The following ZNF512 variants were observed in gnomAD, a reference collection of about 807,000 sequenced individuals.
ZNF512 encodes the protein zinc finger protein 512.
ZNF512 carries 25 observed loss-of-function variants against 77.5 expected under a neutral mutation model. The ratio of observed to expected loss-of-function variants is 0.32; its 90% CI spans 0.23 to 0.45. The LOEUF (loss-of-function observed/expected upper bound fraction) is 0.45, where lower values mean the gene tolerates loss of function less well. Ranked by LOEUF, ZNF512 falls within the 20% of genes least tolerant of loss-of-function variation. The pLI is 1.00. For missense variants in ZNF512, 483 were observed against 692.6 expected, an observed-to-expected ratio of 0.70 and a Z score of 3.40; for synonymous variants, 246 against 239.9, an observed-to-expected ratio of 1.03 and a Z score of -0.24.
intron 9 of ZNF512, among the ~76,000 whole-genome samples, chr2:27,605,372 T>C (rs1416262736): frequency 6.6e-6 from 1 of 151,944 alleles, no homozygotes; most frequent in Non-Finnish European, 1.5e-5. Context: ...GAGGATGGTT[T>C]GAGCCCAGGA....
intron 2 of ZNF512, among the ~76,000 whole-genome samples, chr2:27,597,060 A>G (rs888565295): frequency 3.3e-5 from 5 of 152,134 alleles, no homozygotes; most frequent in African/African-American, 4.8e-5. Context: ...GAATTAGTTT[A>G]TTGCTTCTAA....
At chr2:27,600,657 C>T in intron 5 of ZNF512, 34 bp from the exon 6 acceptor site, 1 of 1,600,540 alleles carries the variant, frequency 6.2e-7, no homozygotes, top group African/African-American at 1.3e-5. Context: ...GAGAATACTG[C>T]AGATTACAAA....
intron 7 of ZNF512, among the ~76,000 whole-genome samples, chr2:27,601,948 A>C (rs1672133202): frequency 6.8e-6 from 1 of 147,852 alleles, no homozygotes; most frequent in Non-Finnish European, 1.5e-5. Flanking sequence ...CGCGCCCAGA[A>C]ATTTTTTGTA....
In ZNF512 at chr2:27,593,247, A is replaced by C. The variant is rs80267941; in HGVS notation, c.90-4820A>C. On this transcript the variant is annotated intron_variant, in intron 2 of 13. Transcript: ENST00000355467. ...ACACACACACACACACACACACACAAAAGAATGAGCTGGGTACCGTGGCAC... is the reference window on the plus strand; with the variant it reads ...ACACACACACACACACACACACACACAAGAATGAGCTGGGTACCGTGGCAC... 7.8e-3 allele frequency among the ~76,000 whole-genome samples: 1,072 copies of C among 137,408 alleles called. 23 individuals carry two copies. The highest frequency in any genetic ancestry group is 0.028 in the African/African-American group (975 of 34,884). The allele number at this position is 137,408 out of a possible 152,430, so 90.1% of individuals were successfully genotyped here.
chr2:27,607,652 G>A (rs78245017), intron 9 of ZNF512, among the ~76,000 whole-genome samples, 193 bp from the exon 10 acceptor site: 1 of 152,232 alleles, frequency 6.6e-6, no homozygotes, highest in Non-Finnish European at 1.5e-5. Context: ...ACAAGAGTGA[G>A]CTACCACGCC....
intron 9 of ZNF512, among the ~76,000 whole-genome samples, chr2:27,607,413 G>C (rs1426471436): frequency 6.6e-6 from 1 of 151,540 alleles, no homozygotes; most frequent in Non-Finnish European, 1.5e-5. Context: ...TATCACCCAG[G>C]CTGGAATGTA....
At chr2:27,608,061 A>G (rs369996633) in intron 10 of ZNF512, 22 bp downstream of exon 10, 62 of 1,534,502 alleles carry the variant, frequency 4.0e-5, no homozygotes, top group East Asian at 6.8e-5. Flanking sequence ...ACATGTATCA[A>G]TTTGGGAACC....
chr2:27,587,274 T>G (rs1405656379), intron 2 of ZNF512, among the ~76,000 whole-genome samples: 1 of 151,070 alleles, frequency 6.6e-6, no homozygotes, highest in Non-Finnish European at 1.5e-5. Context: ...ATGGGTTTTT[T>G]TTTTTTTTTT....
intron 10 of ZNF512, 150 bp downstream of exon 10, chr2:27,608,189 G>C (rs992713239): frequency 1.4e-6 from 1 of 723,866 alleles, no homozygotes; most frequent in African/African-American, 1.9e-5. Context: ...ATCTAGCTTC[G>C]GTGTTTGGAT....
At chr2:27,592,770 C>T (rs576276451) in intron 2 of ZNF512, among the ~76,000 whole-genome samples, 4 of 144,708 alleles carry the variant, frequency 2.8e-5, no homozygotes, top group African/African-American at 1.0e-4. Flanking sequence ...ACCACAACCT[C>T]TGCCTCCCAG....
intron 4 of ZNF512, 69 bp downstream of exon 4, chr2:27,599,747 A>G: frequency 6.8e-7 from 1 of 1,463,904 alleles, no homozygotes; most frequent in Non-Finnish European, 9.5e-7. Flanking sequence ...GGTAAAGGAA[A>G]GAGAAGCCTT....
chr2:27,614,792 AT>A (rs1199899505), intron 10 of ZNF512, among the ~76,000 whole-genome samples: 1 of 151,214 alleles, frequency 6.6e-6, no homozygotes, highest in Non-Finnish European at 1.5e-5. Flanking sequence ...ACGAATGCGA[AT>A]TTGTATCCCT....
Position 27,621,800 on chromosome 2 carries a change from T to A in ZNF512, c.*339T>A, listed in dbSNP as rs1673137017. 5.4e-6 allele frequency: 1 copy of A among 186,452 alleles called. No individual in the cohort carries two copies. The highest frequency in any genetic ancestry group is 1.1e-5 in the Non-Finnish European group (1 of 87,406). 11.5% of individuals were successfully genotyped at this position (186,452 alleles called of 1,614,324 possible). On this transcript the variant is annotated 3_prime_UTR_variant, in exon 14 of 14. Transcript: ENST00000355467. ...TTCCTTCCTGGGGTATAGAATGTTCTTGGAAGCTCCATTGATTTAGTAGCT... is the reference window on the plus strand; with the variant it reads ...TTCCTTCCTGGGGTATAGAATGTTCATGGAAGCTCCATTGATTTAGTAGCT...
At chr2:27,600,881 A>G (rs1019904880) in intron 6 of ZNF512, 66 bp downstream of exon 6, 12 of 1,565,586 alleles carry the variant, frequency 7.7e-6, no homozygotes, top group South Asian at 2.4e-5. Flanking sequence ...TTCTTTTGCT[A>G]TGTTGGATAT....
intron 3 of ZNF512, among the ~76,000 whole-genome samples, chr2:27,598,924 C>G (rs1671993623): frequency 6.6e-6 from 1 of 152,056 alleles, no homozygotes; most frequent in African/African-American, 2.4e-5. Context: ...CCTCCTTCTC[C>G]TGGGTTCAAG....
chr2:27,587,633 ATTCT>A (rs1172449593), intron 2 of ZNF512, among the ~76,000 whole-genome samples: 2 of 145,876 alleles, frequency 1.4e-5, no homozygotes, highest in East Asian at 4.3e-4. Flanking sequence ...ATCTGTTCGT[ATTCT>A]TTCTTTTTTT....
chr2:27,603,449 T>TGC, intron 9 of ZNF512, 142 bp downstream of exon 9: 1 of 878,078 alleles, frequency 1.1e-6, no homozygotes, highest in Non-Finnish European at 1.6e-6. Flanking sequence ...CTCTTCTTTA[T>TGC]TCGTTCTTTG....
intron 2 of ZNF512, among the ~76,000 whole-genome samples, chr2:27,597,844 T>C (rs1317958999): frequency 6.6e-6 from 1 of 152,248 alleles, no homozygotes; most frequent in Non-Finnish European, 1.5e-5. Context: ...AGTGATCATT[T>C]ATGTGTACTG....
chr2:27,599,471 C>A, intron 3 of ZNF512, 112 bp from the exon 4 acceptor site: 1 of 767,510 alleles, frequency 1.3e-6, no homozygotes, highest in Non-Finnish European at 2.2e-6. Flanking sequence ...GGCCTGTGTT[C>A]ACTGATGATC....
Sources: allele counts gnomAD v4.1 joint callset (sites outside exome capture counted in the v4.1 genomes callset), GRCh38; gene constraint gnomAD v4.1.1; transcripts MANE v1.5; gene names NCBI Gene and HGNC (gene_info 2026-07-23, HGNC 2026-07-21).